Variants in SPG21 observed in about 807,000 individuals in gnomAD.
The protein encoded by SPG21 is maspardin.
In SPG21, 26 loss-of-function variants were observed where a neutral mutation model predicts 38.9. The observed-to-expected ratio is 0.67, with a 90% CI of 0.49 to 0.93. The LOEUF is 0.93. Ranked by LOEUF, SPG21 falls within the 40% of genes least tolerant of loss-of-function variation. The pLI is 0.00. For missense variants in SPG21, 333 were observed against 376.5 expected, an observed-to-expected ratio of 0.88 and a Z score of 0.96; for synonymous variants, 136 against 128.9, an observed-to-expected ratio of 1.05 and a Z score of -0.37.
At chr15:64,972,822 A>G (rs2085695837) in intron 5 of SPG21, among the ~76,000 whole-genome samples, 1 of 152,192 alleles carries the variant, frequency 6.6e-6, no homozygotes, top group African/African-American at 2.4e-5. Context: ...ACAGAGCGAG[A>G]CTCCATCTCA....
rs575889865 is a variant in SPG21, at chr15:64,974,468, C to G, written c.452+134G>C. 3 of 1,041,228 alleles carry G rather than the reference C, an allele frequency of 2.9e-6. No homozygotes were observed. In the South Asian group the frequency reaches 4.4e-5, roughly 15 times the overall value. 64.5% of individuals were successfully genotyped at this position (1,041,228 alleles called of 1,614,324 possible). A position where few individuals can be genotyped will look rare whatever the true frequency, so the allele number is the denominator to read the frequency against. On this transcript the variant is annotated intron_variant, in intron 5 of 8. Coordinates refer to ENST00000204566, the MANE Select transcript of SPG21 (RefSeq NM_016630.7). ...TCAGCCTGGGTGACAGAGCAAGACT[C>G]TGTCTCAAAAAAAAAGCCAAGGAAG...
chr15:64,976,742 C>T (rs1174717244), intron 3 of SPG21, among the ~76,000 whole-genome samples, 187 bp from the exon 4 acceptor site: 1 of 152,076 alleles, frequency 6.6e-6, no homozygotes, highest in Non-Finnish European at 1.5e-5. Flanking sequence ...TTCTAACAGA[C>T]CAAATTAAAA....
chr15:64,966,541 G>A (rs1395994527), intron 7 of SPG21, among the ~76,000 whole-genome samples: 1 of 152,098 alleles, frequency 6.6e-6, no homozygotes, highest in East Asian at 1.9e-4. Flanking sequence ...TTATGGCAGA[G>A]GATGATAAGA....
rs1267649793 is a variant in SPG21, at chr15:64,970,206, C to T, written c.469G>A (p.Ala157Thr). The change falls in exon 6 of 9, where the codon GCA (alanine) becomes ACA (threonine). Residue 157 changes from alanine to threonine, a missense_variant. By Grantham distance (58) the Ala-to-Thr change is moderately conservative. Coordinates refer to ENST00000204566, the MANE Select transcript of SPG21 (RefSeq NM_016630.7). Reference sequence around the variant, plus strand: ...AGAACTATTTTTTTGAGCATAAATGCAGGCATCAGCCAAAAGCTGTAAAAC... The same window carrying T: ...AGAACTATTTTTTTGAGCATAAATGTAGGCATCAGCCAAAAGCTGTAAAAC... ...WTANSFWLMP[A>T]FMLKKIVLGN... 6.2e-7 allele frequency: 1 copy of T among 1,613,974 alleles called. No individual in the cohort carries two copies. Among genetic ancestry groups the T allele is most frequent in the African/African-American group, 1.3e-5 (1 of 75,050 alleles).
At chr15:64,982,793 A>G (rs746526811) in intron 2 of SPG21, 4 of 152,236 alleles carry the variant, frequency 2.6e-5, no homozygotes, top group Non-Finnish European at 5.9e-5. Context: ...CTGTGGCAGA[A>G]TGAGTATGTC....
intron 3 of SPG21, among the ~76,000 whole-genome samples, chr15:64,978,423 G>A (rs2085826479): frequency 6.6e-6 from 1 of 151,974 alleles, no homozygotes; most frequent in Non-Finnish European, 1.5e-5. Flanking sequence ...ACTCTAGCCT[G>A]AGTGACAGAG....
intron 6 of SPG21, among the ~76,000 whole-genome samples, chr15:64,969,832 A>G (rs1294831658): frequency 6.6e-6 from 1 of 152,178 alleles, no homozygotes; most frequent in Non-Finnish European, 1.5e-5. Context: ...TGAAGTAAAA[A>G]TAGATTCCCA....
rs1328822881 is a variant in SPG21, at chr15:64,987,837, C to G, written c.-25+1828G>C. Among the ~76,000 whole-genome samples, 3 of 152,282 alleles carry G rather than the reference C, an allele frequency of 2.0e-5. No individual in the cohort carries two copies. In the South Asian group the frequency reaches 6.2e-4, roughly 32 times the overall value. Reference sequence around the variant, plus strand: ...ATCACCTGAGGTCAGGAGTTCGAGACCAGCCTGGCCAACATGGTGCAGCCC... The same window carrying G: ...ATCACCTGAGGTCAGGAGTTCGAGAGCAGCCTGGCCAACATGGTGCAGCCC... On this transcript the variant is annotated intron_variant, in intron 1 of 8. Transcript: ENST00000204566.
At chr15:64,967,810 T>C (rs1325726755) in intron 7 of SPG21, among the ~76,000 whole-genome samples, 2 of 152,088 alleles carry the variant, frequency 1.3e-5, no homozygotes, top group African/African-American at 4.8e-5. Flanking sequence ...GTCTCCTGTA[T>C]TGCCCAGACT....
In SPG21 at chr15:64,963,537, G is replaced by T; in HGVS notation, c.*83C>A. On this transcript the variant is annotated 3_prime_UTR_variant, in exon 9 of 9. Transcript: ENST00000204566. The stretch of plus-strand genomic sequence containing the variant: ...ACCGGTGAGCCTGACGAACCTGAAG[G>T]AAAAGGCTGGCTGACGGGTGCTGAT... 2.5e-6 allele frequency: 3 copies of T among 1,195,486 alleles called. No homozygotes were observed. The highest frequency in any genetic ancestry group is 2.4e-5 in the South Asian group (2 of 81,842). The allele number at this position is 1,195,486 out of a possible 1,614,324, so 74.1% of individuals were successfully genotyped here. A position where few individuals can be genotyped will look rare whatever the true frequency, so the allele number is the denominator to read the frequency against.
At chr15:64,973,766 A>G (rs898134661) in intron 5 of SPG21, among the ~76,000 whole-genome samples, 8 of 152,094 alleles carry the variant, frequency 5.3e-5, no homozygotes, top group African/African-American at 1.9e-4. Context: ...CACCATTTCT[A>G]TCTTTTGGAA....
At position 64,980,523 on chromosome 15, in the gene SPG21, G is replaced by A. The variant is rs543149322; in HGVS notation, c.225+341C>T. 2.0e-5 allele frequency among the ~76,000 whole-genome samples: 3 copies of A among 152,222 alleles called. No homozygotes were observed. In the South Asian group the frequency reaches 6.2e-4, roughly 32 times the overall value. ...CGAGGCTGAGGTGGATGAATCATGA[G>A]GTCAGGAGTTCGAGACCAGCCTGGC... On this transcript the variant is annotated intron_variant, in intron 3 of 8. Transcript: ENST00000204566.
intron 1 of SPG21, among the ~76,000 whole-genome samples, chr15:64,988,266 C>T (rs28581720): frequency 0.047 from 7,156 of 152,164 alleles, 586 homozygotes; most frequent in African/African-American, 0.16. Flanking sequence ...CCAGTTGTGA[C>T]TATGCCCCTA....
At position 64,976,444 on chromosome 15, in the gene SPG21, G is replaced by T. The variant is rs780748733; in HGVS notation, c.306+31C>A. On this transcript the variant is annotated intron_variant, in intron 4 of 8. Transcript: ENST00000204566. ...CATCTCAAAAAATAAAAAAAAAATT[G>T]TATGTATGTAATTAGTTTCAGGGTA... The T allele has an allele frequency of 3.4e-6, 5 of 1,469,742 alleles. No homozygotes were observed. The African/African-American group carries it at 4.2e-5, about 12-fold the overall frequency. 91.0% of individuals were successfully genotyped at this position (1,469,742 alleles called of 1,614,324 possible). A position where few individuals can be genotyped will look rare whatever the true frequency, so the allele number is the denominator to read the frequency against.
In SPG21 at chr15:64,987,003, C is replaced by G. The variant is rs184758311; in HGVS notation, c.-25+2662G>C. Among the ~76,000 whole-genome samples, 3 of 152,262 alleles carry G rather than the reference C, an allele frequency of 2.0e-5. No individual in the cohort carries two copies. The East Asian group carries it at 5.8e-4, about 29-fold the overall frequency. On this transcript the variant is annotated intron_variant, in intron 1 of 8. Coordinates refer to ENST00000204566, the MANE Select transcript of SPG21 (RefSeq NM_016630.7). ...ATAAAACACCTTAGCTAACTAAAGC[C>G]AGAAAGTGTGCTTCTAGAGTCACCA... is the stretch of plus-strand genomic sequence containing the variant.
chr15:64,989,229 T>G (rs2086065409), intron 1 of SPG21: 1 of 152,044 alleles, frequency 6.6e-6, no homozygotes, highest in Non-Finnish European at 1.5e-5. Context: ...GCCGAGGTCC[T>G]GTCTCCAAAA....
intron 8 of SPG21, 147 bp from the exon 9 acceptor site, chr15:64,963,883 A>C: frequency 1.5e-6 from 1 of 662,304 alleles, no homozygotes; most frequent in Non-Finnish European, 2.7e-6. Context: ...CAGCCTCCCG[A>C]GTAGCTGGGA....
At chr15:64,976,697 C>T in intron 3 of SPG21, 142 bp from the exon 4 acceptor site, 1 of 655,326 alleles carries the variant, frequency 1.5e-6, no homozygotes, top group Non-Finnish European at 2.7e-6. Context: ...TAAAAATAAG[C>T]TCTCACTTTT....
intron 5 of SPG21, among the ~76,000 whole-genome samples, chr15:64,970,776 T>G (rs143780658): frequency 3.3e-5 from 5 of 152,190 alleles, no homozygotes; most frequent in Non-Finnish European, 5.9e-5. Flanking sequence ...TCTCAGTCAG[T>G]TACCCATGCT....
Sources: allele counts gnomAD v4.1 joint callset (sites outside exome capture counted in the v4.1 genomes callset), GRCh38; gene constraint gnomAD v4.1.1; transcripts MANE v1.5; gene names NCBI Gene and HGNC (gene_info 2026-07-23, HGNC 2026-07-21).